USH2A: variants seen among roughly 807,000 people sequenced by gnomAD.
USH2A encodes usherin, also known as Usher syndrome 2A (autosomal recessive, mild).
A neutral mutation model predicts 538.9 loss-of-function variants in USH2A; 443 were observed. That is an observed-to-expected ratio of 0.82 (90% confidence interval 0.76 to 0.89). The LOEUF is 0.89. USH2A is among the 40% of genes least tolerant of loss of function. The pLI is 0.00. For missense variants in USH2A, 6,633 were observed against 6,324.8 expected, an observed-to-expected ratio of 1.05 and a Z score of -1.65; for synonymous variants, 2,413 against 2,273.5, an observed-to-expected ratio of 1.06 and a Z score of -1.75.
chr1:216,056,730 G>C (rs78323603), intron 30 of USH2A, among the ~76,000 whole-genome samples: 1 of 152,050 alleles, frequency 6.6e-6, no homozygotes, highest in African/African-American at 2.4e-5. Flanking sequence ...TTGTATGCCT[G>C]TAATATTCCT....
At chr1:215,693,636 T>C (rs971795446) in intron 61 of USH2A, among the ~76,000 whole-genome samples, 3 of 152,146 alleles carry the variant, frequency 2.0e-5, no homozygotes, top group Admixed American at 6.5e-5. Flanking sequence ...TAGTACCATA[T>C]TGAAAATTAA....
chr1:216,068,520 G>T (rs2031454583), intron 30 of USH2A, among the ~76,000 whole-genome samples: 1 of 152,110 alleles, frequency 6.6e-6, no homozygotes, highest in African/African-American at 2.4e-5. Flanking sequence ...ATGTGCATTA[G>T]TAATAAGTTC....
At chr1:216,228,578 A>C (rs763834185) in intron 14 of USH2A, among the ~76,000 whole-genome samples, 10 of 152,150 alleles carry the variant, frequency 6.6e-5, no homozygotes, top group South Asian at 2.1e-4. Flanking sequence ...GTTTCCCTGC[A>C]CAAGCTTTCT....
At chr1:216,260,698 C>T (rs1024016696) in intron 11 of USH2A, among the ~76,000 whole-genome samples, 1 of 152,134 alleles carries the variant, frequency 6.6e-6, no homozygotes, top group African/African-American at 2.4e-5. Flanking sequence ...TAATCCTACT[C>T]CACAGTGACA....
chr1:215,752,001 C>T (rs1660635468), intron 58 of USH2A, among the ~76,000 whole-genome samples: 1 of 152,174 alleles, frequency 6.6e-6, no homozygotes, highest in Non-Finnish European at 1.5e-5. Flanking sequence ...AATTGCACAT[C>T]CATAAGACAA....
chr1:215,936,247 GC>G (rs1182031929), intron 37 of USH2A, among the ~76,000 whole-genome samples: 1 of 151,982 alleles, frequency 6.6e-6, no homozygotes, highest in African/African-American at 2.4e-5. Flanking sequence ...TTGAACAAAT[GC>G]TTAAAAAGTA....
At chr1:215,833,212 T>C (rs1663373745) in intron 47 of USH2A, among the ~76,000 whole-genome samples, 1 of 151,898 alleles carries the variant, frequency 6.6e-6, no homozygotes, top group African/African-American at 2.4e-5. Flanking sequence ...TTCTGAAATT[T>C]ATATGGACAG....
chr1:216,029,260 C>A (rs1046675605), intron 32 of USH2A, among the ~76,000 whole-genome samples: 3 of 151,914 alleles, frequency 2.0e-5, no homozygotes, highest in Non-Finnish European at 4.4e-5. Flanking sequence ...CAGATGTAGT[C>A]TACATACATA....
intron 40 of USH2A, among the ~76,000 whole-genome samples, chr1:215,890,477 C>T (rs561128888): frequency 2.0e-5 from 3 of 152,030 alleles, no homozygotes; most frequent in Non-Finnish European, 4.4e-5. Context: ...AATCACTTTT[C>T]GAAGCAAAAG....
intron 35 of USH2A, among the ~76,000 whole-genome samples, chr1:215,984,830 T>C (rs991163295): frequency 1.1e-4 from 17 of 152,244 alleles, no homozygotes; most frequent in Non-Finnish European, 1.5e-5. Flanking sequence ...GAATATGAAC[T>C]GAGGGCTCCC....
intron 15 of USH2A, among the ~76,000 whole-genome samples, chr1:216,208,083 G>A (rs1281379709): frequency 6.6e-6 from 1 of 152,078 alleles, no homozygotes; most frequent in Non-Finnish European, 1.5e-5. Context: ...CACTACTTAA[G>A]TGATGTTTTC....
intron 58 of USH2A, among the ~76,000 whole-genome samples, chr1:215,755,816 T>G (rs777597456): frequency 2.0e-5 from 3 of 152,100 alleles, no homozygotes; most frequent in Non-Finnish European, 4.4e-5. Context: ...ATTAAACAAG[T>G]GAAAGTTGTG....
chr1:215,953,958 A>G (rs1666996349), intron 37 of USH2A, among the ~76,000 whole-genome samples: 1 of 152,230 alleles, frequency 6.6e-6, no homozygotes, highest in African/African-American at 2.4e-5. Context: ...AGGACACATG[A>G]AAAAATGCTC....
chr1:216,101,122 A>C (rs946176226), intron 21 of USH2A, among the ~76,000 whole-genome samples: 2 of 152,226 alleles, frequency 1.3e-5, no homozygotes, highest in Non-Finnish European at 2.9e-5. Flanking sequence ...ACAAAATTAA[A>C]AATGCACACG....
At position 216,320,950 on chromosome 1, in the gene USH2A, C is replaced by T. The variant is rs116452358; in HGVS notation, c.1644+933G>A. 2.7e-3 allele frequency among the ~76,000 whole-genome samples: 403 copies of T among 152,050 alleles called. 3 individuals carry two copies. The highest frequency in any genetic ancestry group is 9.2e-3 in the African/African-American group (380 of 41,518). On this transcript the variant is annotated intron_variant, in intron 9 of 71. Transcript: ENST00000307340. ...TATAACAGAATATGTCATTAATTTCCTTCATAGCTCCAGATGTTTGTTTCT... is the reference window on the plus strand; with the variant it reads ...TATAACAGAATATGTCATTAATTTCTTTCATAGCTCCAGATGTTTGTTTCT...
intron 58 of USH2A, among the ~76,000 whole-genome samples, chr1:215,754,121 T>A (rs1660713912): frequency 1.3e-5 from 2 of 152,232 alleles, no homozygotes; most frequent in Admixed American, 1.3e-4. Flanking sequence ...AAGATGGGGA[T>A]AATGATATTA....
chr1:215,836,262 C>A (rs1260802203), intron 47 of USH2A, among the ~76,000 whole-genome samples: 2 of 150,798 alleles, frequency 1.3e-5, no homozygotes, highest in East Asian at 4.0e-4. Context: ...GATGCCTTCA[C>A]TGATAATTCT....
In USH2A at chr1:215,994,005, C is replaced by G. The variant is rs573776758; in HGVS notation, c.6658-838G>C. On this transcript the variant is annotated intron_variant, in intron 34 of 71. Coordinates refer to ENST00000307340, the MANE Select transcript of USH2A (RefSeq NM_206933.4). ...ATTGATAAATACATTAAGGGGTTTTCAGCCCATATTTGCTAGCAAATATTA... is the reference window on the plus strand; with the variant it reads ...ATTGATAAATACATTAAGGGGTTTTGAGCCCATATTTGCTAGCAAATATTA... Among the ~76,000 whole-genome samples the G allele has an allele frequency of 1.4e-3, 208 of 152,230 alleles. 1 individual carries two copies. The highest frequency in any genetic ancestry group is 2.6e-3 in the Non-Finnish European group (174 of 68,006).
intron 43 of USH2A, among the ~76,000 whole-genome samples, chr1:215,868,994 C>T (rs887162990): frequency 3.3e-5 from 5 of 152,126 alleles, no homozygotes; most frequent in Non-Finnish European, 7.3e-5. Context: ...TTACTGCAGC[C>T]CTGGAAAATG....
Sources: allele counts gnomAD v4.1 joint callset (sites outside exome capture counted in the v4.1 genomes callset), GRCh38; gene constraint gnomAD v4.1.1; transcripts MANE v1.5; gene names NCBI Gene and HGNC (gene_info 2026-07-23, HGNC 2026-07-21).